The following TECPR2 variants were observed in gnomAD, a reference collection of about 807,000 sequenced individuals.
TECPR2 encodes the protein tectonin beta-propeller repeat-containing protein 2.
A neutral mutation model predicts 138.1 loss-of-function variants in TECPR2; 65 were observed. The ratio of observed to expected loss-of-function variants is 0.47; its 90% CI spans 0.39 to 0.58. The LOEUF (loss-of-function observed/expected upper bound fraction) is 0.58, where lower values mean the gene tolerates loss of function less well. Ranked by LOEUF, TECPR2 falls within the 20% of genes least tolerant of loss-of-function variation. The pLI, the probability that TECPR2 is intolerant of heterozygous loss-of-function variation, is 0.00. For synonymous variants in TECPR2, 746 were observed against 749.8 expected (o/e 0.99, Z 0.08); for missense variants, 1,553 against 1,824.5 (o/e 0.85, Z 2.71).
At chr14:102,435,279 T>C in intron 9 of TECPR2, 68 bp downstream of exon 9, 1 of 1,498,314 alleles carries the variant, frequency 6.7e-7, no homozygotes. Flanking sequence ...TTGTCAAGAC[T>C]GATTATTTTC....
At chr14:102,440,727 G>A (rs903594691) in intron 11 of TECPR2, 118 bp downstream of exon 11, 40 of 1,244,834 alleles carry the variant, frequency 3.2e-5, no homozygotes, top group Middle Eastern at 2.8e-4. Context: ...AAATCCATTC[G>A]AATTAAGACA....
Position 102,498,570 on chromosome 14 carries a change from G to C in TECPR2, c.*313G>C, listed in dbSNP as rs529666830. ...TCATCCACAGATAGCTCCAGCTTTT[G>C]TTGGTGGGAGTGGTCTCCGGAGGCC... On this transcript the variant is annotated 3_prime_UTR_variant, in exon 20 of 20. Transcript: ENST00000359520. 1 of 458,858 alleles carries C rather than the reference G, an allele frequency of 2.2e-6. No homozygotes were observed. The highest frequency in any genetic ancestry group is 2.0e-5 in the African/African-American group (1 of 50,686). 28.4% of individuals were successfully genotyped at this position (458,858 alleles called of 1,614,324 possible).
intron 2 of TECPR2, among the ~76,000 whole-genome samples, chr14:102,387,959 A>C (rs1597776362): frequency 6.6e-6 from 1 of 152,340 alleles, no homozygotes; most frequent in South Asian, 2.1e-4. Context: ...AGGGAAAGGC[A>C]CTGAGCCTGA....
chr14:102,409,304 A>ATTT (rs545807038), intron 4 of TECPR2, among the ~76,000 whole-genome samples: 1 of 144,874 alleles, frequency 6.9e-6, no homozygotes, highest in Non-Finnish European at 1.5e-5. Flanking sequence ...GAATTCAGCA[A>ATTT]TTTTTTTTTT....
intron 2 of TECPR2, among the ~76,000 whole-genome samples, chr14:102,391,224 A>G (rs1416718739): frequency 2.0e-5 from 3 of 151,774 alleles, no homozygotes; most frequent in African/African-American, 4.8e-5. Context: ...CGCCCAACCA[A>G]TTTTTTGTAT....
chr14:102,365,039 T>C (rs1217231190), intron 1 of TECPR2, among the ~76,000 whole-genome samples: 1 of 152,224 alleles, frequency 6.6e-6, no homozygotes, highest in Non-Finnish European at 1.5e-5. Context: ...ATGTATTCTT[T>C]GGACCTGGAC....
chr14:102,470,546 G>T (rs891666295), intron 17 of TECPR2, among the ~76,000 whole-genome samples: 1 of 151,450 alleles, frequency 6.6e-6, no homozygotes, highest in African/African-American at 2.4e-5. Flanking sequence ...GACCTCAAAT[G>T]ATCCACCCTC....
chr14:102,435,127 T>G lies in TECPR2; in HGVS notation c.2310T>G (p.Ser770Arg), dbSNP rs1270371041. 6.2e-7 allele frequency: 1 copy of G among 1,613,314 alleles called. No individual in the cohort carries two copies. Among genetic ancestry groups the G allele is most frequent in the South Asian group, 1.1e-5 (1 of 91,060 alleles). Residue 770 changes from serine (S) to arginine (R), a missense_variant, in exon 9 of 20, where the codon AGT (serine) becomes AGG (arginine). Physicochemically the swap from Ser to Arg is moderately radical, Grantham distance 110. Coordinates refer to ENST00000359520, the MANE Select transcript of TECPR2 (RefSeq NM_014844.5). ...HGLPSSSSET[S>R]VTELGPSCSQ... ...TTCCTTCTTCATCCTCAGAGACGAG[T>G]GTGACAGAGCTCGGACCTAGTTGCT...
At chr14:102,446,665 A>G (rs563499446) in intron 13 of TECPR2, among the ~76,000 whole-genome samples, 24 of 152,324 alleles carry the variant, frequency 1.6e-4, no homozygotes, top group African/African-American at 5.8e-4. Context: ...TGCTGGGATT[A>G]CAAGTGGAGC....
At position 102,414,619 on chromosome 14, in the gene TECPR2, C is replaced by T. The variant is rs956182440; in HGVS notation, c.481-17C>T. The T allele has an allele frequency of 8.7e-6, 14 of 1,613,656 alleles. No homozygotes were observed. Among genetic ancestry groups the T allele is most frequent in the Non-Finnish European group, 1.2e-5 (14 of 1,179,816 alleles). ...GCCTGGCGCTGATGTGAGGTGTAAC[C>T]AGACTTTCTCTGCCAGGGGCTCTGT... is the stretch of plus-strand genomic sequence containing the variant. On this transcript the variant is annotated splice_polypyrimidine_tract_variant and intron_variant, in intron 4 of 19. Coordinates refer to ENST00000359520, the MANE Select transcript of TECPR2 (RefSeq NM_014844.5).
intron 17 of TECPR2, among the ~76,000 whole-genome samples, chr14:102,483,466 G>A (rs1357728641): frequency 6.6e-6 from 1 of 152,024 alleles, no homozygotes; most frequent in East Asian, 1.9e-4. Flanking sequence ...TTTTGAGACG[G>A]TCTCTCACTC....
At chr14:102,427,226 A>G (rs910400260) in intron 6 of TECPR2, among the ~76,000 whole-genome samples, 5 of 152,162 alleles carry the variant, frequency 3.3e-5, no homozygotes, top group Non-Finnish European at 7.4e-5. Context: ...TTCCCTGGAT[A>G]CCTTTTGAAC....
In TECPR2 at chr14:102,434,774, A is replaced by G. The variant is rs1344220933; in HGVS notation, c.1957A>G (p.Ser653Gly). The G allele has an allele frequency of 6.2e-6, 10 of 1,613,404 alleles. 1 individual carries two copies. The South Asian group carries it at 9.9e-5, about 16-fold the overall frequency. ...CCTGAACTCACTCACTGTGCCTTCC[A>G]GCCTCAGCTGGGCCCCAAGTGCTGA... ...PLLNSLTVPS[S>G]LSWAPSAEQW... The change falls in exon 9 of 20, where the codon AGC becomes GGC. Residue 653 changes from serine to glycine, a missense_variant. Coordinates refer to ENST00000359520, the MANE Select transcript of TECPR2 (RefSeq NM_014844.5).
chr14:102,392,804 C>T (rs1158139719), intron 2 of TECPR2, among the ~76,000 whole-genome samples: 2 of 152,138 alleles, frequency 1.3e-5, no homozygotes, highest in Non-Finnish European at 2.9e-5. Context: ...TGGAGTGCTA[C>T]CAACATAGAA....
chr14:102,382,901 C>T (rs919829259), intron 2 of TECPR2, among the ~76,000 whole-genome samples: 3 of 151,982 alleles, frequency 2.0e-5, no homozygotes, highest in South Asian at 2.1e-4. Context: ...GGATTACAGG[C>T]GCCTGCCACC....
intron 17 of TECPR2, among the ~76,000 whole-genome samples, chr14:102,466,047 C>T (rs530201171): frequency 2.1e-4 from 32 of 152,026 alleles, no homozygotes; most frequent in Non-Finnish European, 4.6e-4. Context: ...GGGGATGGTT[C>T]GTTGTTGGGC....
chr14:102,470,543 A>C lies in TECPR2; in HGVS notation c.3789+5254A>C, dbSNP rs184297202. ...GGCTTGTCTTGAACTCCTGACCTCA[A>C]ATGATCCACCCTCCACAGCCTCCCA... is the stretch of plus-strand genomic sequence containing the variant. On this transcript the variant is annotated intron_variant, in intron 17 of 19. Coordinates refer to ENST00000359520, the MANE Select transcript of TECPR2 (RefSeq NM_014844.5). Among the ~76,000 whole-genome samples the C allele has an allele frequency of 9.4e-4, 143 of 151,740 alleles. 1 individual carries two copies. The highest frequency in any genetic ancestry group is 3.2e-3 in the African/African-American group (134 of 41,408).
intron 17 of TECPR2, chr14:102,465,572 T>C: frequency 9.0e-7 from 1 of 1,116,098 alleles, no homozygotes; most frequent in Non-Finnish European, 1.1e-6. Flanking sequence ...AAGTGAATAT[T>C]ATTTTTTAAA....
In TECPR2 at chr14:102,379,751, T is replaced by A. The variant is rs149704972; in HGVS notation, c.219+2811T>A. On this transcript the variant is annotated intron_variant, in intron 2 of 19. Coordinates refer to ENST00000359520, the MANE Select transcript of TECPR2 (RefSeq NM_014844.5). ...GGCATCTTAGTCACACTGCTGAAGA[T>A]CACCATCTTAAAATCCATGCACAGA... is the stretch of plus-strand genomic sequence containing the variant. Among the ~76,000 whole-genome samples, 721 of 133,362 alleles carry A rather than the reference T, an allele frequency of 5.4e-3. 6 individuals carry two copies. Among genetic ancestry groups the A allele is most frequent in the Non-Finnish European group, 8.6e-3 (510 of 59,088 alleles). The allele number at this position is 133,362 out of a possible 152,430, so 87.5% of individuals were successfully genotyped here. A position where few individuals can be genotyped will look rare whatever the true frequency, so the allele number is the denominator to read the frequency against.
Sources: allele counts gnomAD v4.1 joint callset (sites outside exome capture counted in the v4.1 genomes callset), GRCh38; gene constraint gnomAD v4.1.1; transcripts MANE v1.5; gene names NCBI Gene and HGNC (gene_info 2026-07-23, HGNC 2026-07-21).